The following ZNF528 variants were observed in gnomAD, a reference collection of about 807,000 sequenced individuals.
The protein encoded by ZNF528 is zinc finger protein 528.
In ZNF528, 9 loss-of-function variants were observed where a neutral mutation model predicts 13.3. The ratio of observed to expected loss-of-function variants is 0.67; its 90% CI spans 0.41 to 1.18. The LOEUF is 1.18. Among genes scored for constraint, ZNF528 ranks in the 50% most tolerant of loss-of-function variants. ZNF528 has a pLI of 0.01. For synonymous variants in ZNF528, 264 were observed against 254.3 expected (o/e 1.04, Z -0.36); for missense variants, 858 against 745.4 (o/e 1.15, Z -1.76).
intron 2 of ZNF528, among the ~76,000 whole-genome samples, chr19:52,399,968 G>GT (rs534679394): frequency 4.1e-4 from 62 of 152,188 alleles, no homozygotes; most frequent in East Asian, 2.7e-3. Context: ...AAACAGTGTG[G>GT]TTTTTTCCTG....
In ZNF528 at chr19:52,408,012, G is replaced by A. The variant is rs562064016; in HGVS notation, c.271+1369G>A. On this transcript the variant is annotated intron_variant, in intron 6 of 6. Transcript: ENST00000360465. ...TTACAGGTGTGAGCCACTTCACCTG[G>A]CCCAAAACATTCTATTTTAAATGTT... is the stretch of plus-strand genomic sequence containing the variant. Among the ~76,000 whole-genome samples, 11 of 151,840 alleles carry A rather than the reference G, an allele frequency of 7.2e-5. No homozygotes were observed. The South Asian group carries it at 2.3e-3, about 32-fold the overall frequency.
rs1487120267 is a variant in ZNF528 at position 52,406,614 on chromosome 19, G to A, written c.242G>A (p.Gly81Asp). 1 of 1,613,866 alleles carries A rather than the reference G, an allele frequency of 6.2e-7. No individual in the cohort carries two copies. The highest frequency in any genetic ancestry group is 8.5e-7 in the Non-Finnish European group (1 of 1,179,904). Residue 81 changes from glycine (G) to aspartate (D), a missense_variant, in exon 6 of 7, where the codon GGC (glycine) becomes GAC (aspartate). Coordinates refer to ENST00000360465, the MANE Select transcript of ZNF528 (RefSeq NM_032423.3). ...GAGAAAATAGCAAACGATCCAGACG[G>A]CAGGGAGTGCATCAAAGGTGTGAAC... Reference protein sequence around the residue: ...SEEKIANDPDGRECIKGVNTE... With the variant: ...SEEKIANDPDDRECIKGVNTE...
At chr19:52,414,848 C>T in intron 6 of ZNF528, 1 of 1,051,460 alleles carries the variant, frequency 9.5e-7, no homozygotes, top group Non-Finnish European at 1.3e-6. Context: ...GAGGCTCATC[C>T]CTGCTTCTTC....
chr19:52,402,364 T>C (rs979987175), intron 4 of ZNF528: 3 of 388,786 alleles, frequency 7.7e-6, no homozygotes, highest in South Asian at 1.1e-4. Flanking sequence ...TTCTGTGGAC[T>C]AGAATTAGAG....
chr19:52,417,041 A>G lies in ZNF528; in HGVS notation c.*302A>G. The G allele has an allele frequency of 2.9e-6, 1 of 339,148 alleles. No individual in the cohort carries two copies. Among genetic ancestry groups the G allele is most frequent in the Non-Finnish European group, 5.4e-6 (1 of 183,820 alleles). The allele number at this position is 339,148 out of a possible 1,614,324, so 21.0% of individuals were successfully genotyped here. On this transcript the variant is annotated 3_prime_UTR_variant, in exon 7 of 7. Transcript: ENST00000360465. ...CTATGATATTGCATGATGCAGAATAATGCTAAGTCAAAATATGTTGAATCT... is the reference window on the plus strand; with the variant it reads ...CTATGATATTGCATGATGCAGAATAGTGCTAAGTCAAAATATGTTGAATCT...
intron 2 of ZNF528, among the ~76,000 whole-genome samples, chr19:52,400,820 C>T (rs935357506): frequency 5.3e-5 from 8 of 152,170 alleles, no homozygotes; most frequent in Non-Finnish European, 1.2e-4. Context: ...GCCCTTTACC[C>T]TGCTTAAATC....
chr19:52,403,003 T>C (rs2058812999), intron 4 of ZNF528, among the ~76,000 whole-genome samples: 1 of 152,182 alleles, frequency 6.6e-6, no homozygotes, highest in Non-Finnish European at 1.5e-5. Context: ...TGTCTAAAAT[T>C]TTAAAAATAT....
rs1287752392 is a variant in ZNF528 at position 52,416,216 on chromosome 19, A to G, written c.1364A>G (p.His455Arg). The part of the protein sequence containing the change: ...AFREFSDLTA[H>R]FLIHSGEKPY... ...AGAGAGTTTTCAGACCTTACTGCCC[A>G]TTTTCTAATCCATAGTGGAGAGAAA... The change falls in exon 7 of 7, where the codon CAT becomes CGT. Residue 455 changes from histidine (H) to arginine (R), a missense_variant. By Grantham distance (29) the His-to-Arg change is conservative. Coordinates refer to ENST00000360465, the MANE Select transcript of ZNF528 (RefSeq NM_032423.3). 1.5e-5 allele frequency: 25 copies of G among 1,613,382 alleles called. No homozygotes were observed. Among genetic ancestry groups the G allele is most frequent in the Non-Finnish European group, 2.1e-5 (25 of 1,179,742 alleles).
At chr19:52,402,150 G>A in intron 4 of ZNF528, 122 bp downstream of exon 4, 1 of 1,397,936 alleles carries the variant, frequency 7.2e-7, no homozygotes, top group Non-Finnish European at 1.0e-6. Context: ...ACTTACCCAT[G>A]GCTTCTTCCA....
chr19:52,417,738 T>G lies in ZNF528; in HGVS notation c.*999T>G, dbSNP rs984056732. ...CTCAAGCAGTCCTTCTGCCTTAGCC[T>G]CCTAAGTAGCTGAGACTACAGACGT... On this transcript the variant is annotated 3_prime_UTR_variant, in exon 7 of 7. Transcript: ENST00000360465. The G allele has an allele frequency of 6.6e-6, 1 of 151,946 alleles. No individual in the cohort carries two copies. Among genetic ancestry groups the G allele is most frequent in the African/African-American group, 2.4e-5 (1 of 41,334 alleles). 9.4% of individuals were successfully genotyped at this position (151,946 alleles called of 1,614,324 possible).
chr19:52,414,179 TC>T (rs2058968632), intron 6 of ZNF528: 1 of 702,250 alleles, frequency 1.4e-6, no homozygotes, highest in African/African-American at 1.7e-5. Context: ...CATCCAGGTT[TC>T]CCCATTCACC....
rs2058980596 is a variant in ZNF528, at chr19:52,414,987, C to T, written c.272-137C>T. On this transcript the variant is annotated intron_variant, in intron 6 of 6. Coordinates refer to ENST00000360465, the MANE Select transcript of ZNF528 (RefSeq NM_032423.3). ...ACCTCAGTTCCTTGTGTTTTCTGCA[C>T]TGCCAGCATGATACACACAATACCC... 2.6e-6 allele frequency: 4 copies of T among 1,544,652 alleles called. No homozygotes were observed. In the East Asian group the frequency reaches 9.8e-5, roughly 38 times the overall value.
At chr19:52,409,305 T>TC (rs1270555743) in intron 6 of ZNF528, among the ~76,000 whole-genome samples, 1 of 151,362 alleles carries the variant, frequency 6.6e-6, no homozygotes, top group Non-Finnish European at 1.5e-5. Context: ...CAAATCTCTT[T>TC]TTTTTTTTTT....
rs370879570 is a variant in ZNF528, at chr19:52,401,614, T to G, written c.-136-71T>G. 8.0e-5 allele frequency: 95 copies of G among 1,183,732 alleles called. No homozygotes were observed. In the East Asian group the frequency reaches 2.6e-3, roughly 33 times the overall value. 73.3% of individuals were successfully genotyped at this position (1,183,732 alleles called of 1,614,324 possible). ...TTGTATTTTTAAAATAAGTGCTTGATCAAAGTATGATTTTAGGAATCACAG... is the reference window on the plus strand; with the variant it reads ...TTGTATTTTTAAAATAAGTGCTTGAGCAAAGTATGATTTTAGGAATCACAG... On this transcript the variant is annotated intron_variant, in intron 2 of 6. Coordinates refer to ENST00000360465, the MANE Select transcript of ZNF528 (RefSeq NM_032423.3).
At chr19:52,398,953 G>A (rs2058760383) in intron 2 of ZNF528, among the ~76,000 whole-genome samples, 1 of 152,128 alleles carries the variant, frequency 6.6e-6, no homozygotes, top group Non-Finnish European at 1.5e-5. Flanking sequence ...AGACCCCAAG[G>A]GGAGCTGAGA....
intron 6 of ZNF528, chr19:52,414,531 T>G (rs888920483): frequency 7.6e-5 from 42 of 552,670 alleles, no homozygotes; most frequent in Non-Finnish European, 5.2e-5. Context: ...ACTGCATTCT[T>G]TGAACAATAG....
chr19:52,412,201 A>T (rs2058939557), intron 6 of ZNF528: 1 of 152,216 alleles, frequency 6.6e-6, no homozygotes, highest in Admixed American at 6.5e-5. Context: ...AGATGGGTGT[A>T]ATTTGCAGGG....
In ZNF528 at chr19:52,416,698, C is replaced by A. The variant is rs1394008649; in HGVS notation, c.1846C>A (p.His616Asn). 31 of 1,610,316 alleles carry A rather than the reference C, an allele frequency of 1.9e-5. No individual in the cohort carries two copies. Among genetic ancestry groups the A allele is most frequent in the Non-Finnish European group, 2.5e-5 (30 of 1,176,976 alleles). Residue 616 changes from histidine to asparagine, a missense_variant, in exon 7 of 7, where the codon CAC (histidine) becomes AAC (asparagine). By Grantham distance (68) the His-to-Asn change is moderately conservative. Transcript: ENST00000360465. The part of the protein sequence containing the change: ...KCTLCSKVFS[H>N]NSDLAQHQRV... ...CACCCTGTGCAGTAAGGTCTTCAGT[C>A]ACAATTCTGACCTTGCACAGCATCA...
At position 52,401,537 on chromosome 19, in the gene ZNF528, C is replaced by T. The variant is rs1338030126; in HGVS notation, c.-136-148C>T. 1.1e-5 allele frequency: 6 copies of T among 562,602 alleles called. No individual in the cohort carries two copies. In the East Asian group the frequency reaches 2.7e-4, roughly 25 times the overall value. 34.9% of individuals were successfully genotyped at this position (562,602 alleles called of 1,614,324 possible). A position where few individuals can be genotyped will look rare whatever the true frequency, so the allele number is the denominator to read the frequency against. The stretch of plus-strand genomic sequence containing the variant: ...GACCTCATCTCCTGCCTCTGTTCTT[C>T]CCGCTCCCTCTACTGCAACTACACA... On this transcript the variant is annotated intron_variant, in intron 2 of 6. Coordinates refer to ENST00000360465, the MANE Select transcript of ZNF528 (RefSeq NM_032423.3).
Sources: allele counts gnomAD v4.1 joint callset (sites outside exome capture counted in the v4.1 genomes callset), GRCh38; gene constraint gnomAD v4.1.1; transcripts MANE v1.5; gene names NCBI Gene and HGNC (gene_info 2026-07-23, HGNC 2026-07-21).